MARCHF10: variants seen among roughly 807,000 people sequenced by gnomAD.
The protein encoded by MARCHF10 is membrane associated ring-CH-type finger 10.
Under a neutral mutation model 76.2 loss-of-function variants are expected in MARCHF10, and 64 were observed. The ratio of observed to expected loss-of-function variants is 0.84; its 90% CI spans 0.69 to 1.03. The LOEUF (loss-of-function observed/expected upper bound fraction) is 1.03, where lower values mean the gene tolerates loss of function less well. Among genes scored for constraint, MARCHF10 ranks in the 50% least tolerant of loss-of-function variants. The probability of loss-of-function intolerance (pLI) is 0.00; values close to 1 mark genes in which losing one functional copy is unlikely to be tolerated. For synonymous variants in MARCHF10, 340 were observed against 357.5 expected (o/e 0.95, Z 0.55); for missense variants, 875 against 958.0 (o/e 0.91, Z 1.14).
At chr17:62,794,209 CACT>C (rs1434198863) in intron 2 of MARCHF10, among the ~76,000 whole-genome samples, 10 of 151,236 alleles carry the variant, frequency 6.6e-5, no homozygotes, top group Middle Eastern at 3.4e-3. Flanking sequence ...CCACCACCAC[CACT>C]ACCACCTCCA....
intron 1 of MARCHF10, among the ~76,000 whole-genome samples, chr17:62,803,006 G>C (rs1035944754): frequency 1.3e-5 from 2 of 152,196 alleles, no homozygotes; most frequent in Non-Finnish European, 2.9e-5. Flanking sequence ...ATCCAGGCTG[G>C]AGTGTAGTGG....
At chr17:62,766,355 C>T (rs1436108772) in intron 3 of MARCHF10, among the ~76,000 whole-genome samples, 2 of 152,044 alleles carry the variant, frequency 1.3e-5, no homozygotes, top group Admixed American at 6.5e-5. Context: ...ACAAAATTAG[C>T]TGGGCATGGT....
At chr17:62,784,019 T>A (rs1364441989) in intron 3 of MARCHF10, among the ~76,000 whole-genome samples, 3 of 152,190 alleles carry the variant, frequency 2.0e-5, no homozygotes, top group African/African-American at 4.8e-5. Context: ...CCCTAACTCA[T>A]TTTATGAGGC....
chr17:62,801,812 T>C, intron 1 of MARCHF10, 60 bp from the exon 2 acceptor site: 2 of 1,210,204 alleles, frequency 1.7e-6, no homozygotes, highest in Non-Finnish European at 2.5e-6. Context: ...ATGCCGTATT[T>C]GGATTTATTT....
intron 2 of MARCHF10, among the ~76,000 whole-genome samples, chr17:62,794,126 A>C (rs1202727522): frequency 4.4e-5 from 6 of 136,480 alleles, no homozygotes; most frequent in African/African-American, 1.7e-4. Context: ...CACCACCTCC[A>C]TCACCACCAC....
intron 8 of MARCHF10, among the ~76,000 whole-genome samples, chr17:62,717,468 C>T (rs765616756): frequency 9.9e-5 from 15 of 152,266 alleles, no homozygotes; most frequent in African/African-American, 2.9e-4. Context: ...CCTGCAGATC[C>T]GCACCCCTCC....
chr17:62,730,027 C>T (rs2090950718), intron 6 of MARCHF10, among the ~76,000 whole-genome samples: 1 of 152,112 alleles, frequency 6.6e-6, no homozygotes, highest in Admixed American at 6.5e-5. Context: ...ACTAAAAATG[C>T]AAAAATTAGC....
At chr17:62,724,303 T>C (rs917408247) in intron 7 of MARCHF10, among the ~76,000 whole-genome samples, 1 of 152,098 alleles carries the variant, frequency 6.6e-6, no homozygotes, top group East Asian at 1.9e-4. Context: ...GTATTTAGGT[T>C]ATAACCTGCT....
chr17:62,770,597 A>G (rs1452856605), intron 3 of MARCHF10, among the ~76,000 whole-genome samples: 2 of 142,346 alleles, frequency 1.4e-5, no homozygotes, highest in African/African-American at 2.6e-5. Flanking sequence ...GCTGGAGTGC[A>G]GTGCACGATC....
intron 8 of MARCHF10, among the ~76,000 whole-genome samples, chr17:62,716,715 G>A (rs2090220999): frequency 6.6e-6 from 1 of 152,224 alleles, no homozygotes; most frequent in South Asian, 2.1e-4. Flanking sequence ...ATTCTAAGTG[G>A]GAAAATATAT....
chr17:62,705,516 C>T lies in MARCHF10; in HGVS notation c.2371+23G>A, dbSNP rs370953632. The T allele has an allele frequency of 3.7e-6, 6 of 1,614,038 alleles. No homozygotes were observed. The African/African-American group carries it at 8.0e-5, about 22-fold the overall frequency. ...AATTTAGCAAACACCCTCAAAATGG[C>T]AGGACTGGCCCCCAAAACCTACTTT... On this transcript the variant is annotated intron_variant, in intron 10 of 10. Coordinates refer to ENST00000311269, the MANE Select transcript of MARCHF10 (RefSeq NM_152598.4).
intron 3 of MARCHF10, among the ~76,000 whole-genome samples, chr17:62,773,578 G>A (rs371559391): frequency 3.3e-5 from 5 of 152,150 alleles, no homozygotes; most frequent in South Asian, 4.1e-4. Flanking sequence ...AATTAAATGC[G>A]GATGGGAAGG....
intron 7 of MARCHF10, among the ~76,000 whole-genome samples, 198 bp from the exon 8 acceptor site, chr17:62,722,795 A>G (rs923103733): frequency 1.3e-5 from 2 of 152,098 alleles, no homozygotes; most frequent in African/African-American, 2.4e-5. Context: ...GTAGTCATCT[A>G]TTATGCAAGC....
rs1365260375 is a variant in MARCHF10, at chr17:62,738,764, C to T, written c.536-1432G>A. 6.6e-6 allele frequency among the ~76,000 whole-genome samples: 1 copy of T among 152,190 alleles called. No homozygotes were observed. The highest frequency in any genetic ancestry group is 1.5e-5 in the Non-Finnish European group (1 of 68,038). ...GTTAACTGCATGGGACACTCAGCAACGCAGTATGAATCTTGACTCATCAGC... is the reference window on the plus strand; with the variant it reads ...GTTAACTGCATGGGACACTCAGCAATGCAGTATGAATCTTGACTCATCAGC... On this transcript the variant is annotated intron_variant, in intron 5 of 10. Transcript: ENST00000311269. The surrounding 1 kb of genome is among the most constrained non-coding windows in gnomAD (Gnocchi z 4.0).
intron 8 of MARCHF10, among the ~76,000 whole-genome samples, chr17:62,716,038 T>G (rs9895414): frequency 0.38 from 58,191 of 152,010 alleles, 11,159 homozygotes; most frequent in Non-Finnish European, 0.41. Flanking sequence ...AAGGCCCGGT[T>G]GATAGAAGGC....
At chr17:62,724,039 C>T (rs2090628343) in intron 7 of MARCHF10, among the ~76,000 whole-genome samples, 1 of 151,988 alleles carries the variant, frequency 6.6e-6, no homozygotes, top group South Asian at 2.1e-4. Flanking sequence ...CTCCCTGCAG[C>T]CTGGATAGTG....
intron 2 of MARCHF10, among the ~76,000 whole-genome samples, chr17:62,796,768 C>A (rs1361131686): frequency 6.6e-6 from 1 of 152,162 alleles, no homozygotes; most frequent in Non-Finnish European, 1.5e-5. Context: ...GTGGGTGGAT[C>A]ACTTGAGCCC....
At chr17:62,735,541 C>T (rs939545856) in intron 6 of MARCHF10, 6 of 177,522 alleles carry the variant, frequency 3.4e-5, no homozygotes, top group African/African-American at 1.4e-4. Flanking sequence ...TAAGGGAGAG[C>T]TGCGAACTTC....
chr17:62,711,470 G>A lies in MARCHF10; in HGVS notation c.2215-126C>T. The A allele has an allele frequency of 1.2e-6, 1 of 834,000 alleles. No individual in the cohort carries two copies. Among genetic ancestry groups the A allele is most frequent in the South Asian group, 1.7e-5 (1 of 60,532 alleles). 51.7% of individuals were successfully genotyped at this position (834,000 alleles called of 1,614,324 possible). ...AGAAGAGCCCAAGCTCCAAGGCAAG[G>A]CCTGCTCTTGGGGACCAGAAGACAG... On this transcript the variant is annotated intron_variant, in intron 8 of 10. Coordinates refer to ENST00000311269, the MANE Select transcript of MARCHF10 (RefSeq NM_152598.4). The surrounding 1 kb of genome is among the most constrained non-coding windows in gnomAD (Gnocchi z 4.4).
Sources: allele counts gnomAD v4.1 joint callset (sites outside exome capture counted in the v4.1 genomes callset), GRCh38; gene constraint gnomAD v4.1.1; non-coding constraint Gnocchi (gnomAD v3.1); transcripts MANE v1.5; gene names NCBI Gene and HGNC (gene_info 2026-07-23, HGNC 2026-07-21).